The following HGSNAT variants were observed in gnomAD, a reference collection of about 807,000 sequenced individuals.
The protein encoded by HGSNAT is transmembrane protein 76.
Under a neutral mutation model 85.2 loss-of-function variants are expected in HGSNAT, and 59 were observed. That is an observed-to-expected ratio of 0.69 (90% CI 0.56 to 0.86). HGSNAT has a LOEUF of 0.86. HGSNAT is among the 40% of genes least tolerant of loss of function. HGSNAT has a pLI of 0.00. For missense variants in HGSNAT, 756 were observed against 777.1 expected (o/e 0.97, Z 0.32); for synonymous variants, 321 against 304.5 (o/e 1.05, Z -0.56).
At chr8:43,166,103 C>A (rs573970342) in intron 5 of HGSNAT, among the ~76,000 whole-genome samples, 2 of 152,280 alleles carry the variant, frequency 1.3e-5, no homozygotes, top group Admixed American at 1.3e-4. Context: ...AGTGAGGAAT[C>A]TGCAGAAGAA....
chr8:43,165,030 G>A (rs185623966), intron 5 of HGSNAT, among the ~76,000 whole-genome samples: 80 of 142,558 alleles, frequency 5.6e-4, no homozygotes, highest in African/African-American at 2.0e-3. Context: ...CTAGAGGCAT[G>A]TGCCACCATG....
At chr8:43,165,185 C>T (rs182142139) in intron 5 of HGSNAT, among the ~76,000 whole-genome samples, 4 of 149,920 alleles carry the variant, frequency 2.7e-5, no homozygotes, top group East Asian at 2.0e-4. Flanking sequence ...TTTTGGTAAT[C>T]GTTATAATAT....
In HGSNAT at chr8:43,146,934, C is replaced by A; in HGVS notation, c.119-14C>A. 1.4e-6 allele frequency: 2 copies of A among 1,422,488 alleles called. No individual in the cohort carries two copies. Among genetic ancestry groups the A allele is most frequent in the Non-Finnish European group, 1.9e-6 (2 of 1,045,192 alleles). The allele number at this position is 1,422,488 out of a possible 1,614,324, so 88.1% of individuals were successfully genotyped here. A position where few individuals can be genotyped will look rare whatever the true frequency, so the allele number is the denominator to read the frequency against. On this transcript the variant is annotated splice_polypyrimidine_tract_variant and intron_variant, in intron 1 of 17. Transcript: ENST00000379644. ...CTTTTTTTTTTTTTTTTAACTTTTC[C>A]TAATTTCTACCAGACTTAGACAAAA...
At chr8:43,142,265 G>A (rs1802575688) in intron 1 of HGSNAT, among the ~76,000 whole-genome samples, 1 of 152,040 alleles carries the variant, frequency 6.6e-6, no homozygotes, top group South Asian at 2.1e-4. Context: ...GTAGACCAGA[G>A]GAGAGAGAAG....
At chr8:43,176,724 A>G (rs1803825022) in intron 9 of HGSNAT, among the ~76,000 whole-genome samples, 1 of 152,020 alleles carries the variant, frequency 6.6e-6, no homozygotes, top group Non-Finnish European at 1.5e-5. Flanking sequence ...AATTTCTTTC[A>G]TCAGTGGTTT....
rs543327650 is a variant in HGSNAT at position 43,183,306 on chromosome 8, A to G, written c.1128+1046A>G. Reference sequence around the variant, plus strand: ...CTCAGCCTCCTGAGTAGCTGGGACTATAGGCATGCACTACCATGCCCAGTT... The same window carrying G: ...CTCAGCCTCCTGAGTAGCTGGGACTGTAGGCATGCACTACCATGCCCAGTT... On this transcript the variant is annotated intron_variant, in intron 11 of 17. Coordinates refer to ENST00000379644, the MANE Select transcript of HGSNAT (RefSeq NM_152419.3). 4.1e-4 allele frequency among the ~76,000 whole-genome samples: 63 copies of G among 152,170 alleles called. 1 individual carries two copies. The highest frequency in any genetic ancestry group is 3.4e-3 in the Middle Eastern group (1 of 294).
intron 10 of HGSNAT, among the ~76,000 whole-genome samples, chr8:43,178,589 GCTTT>G (rs1484016603): frequency 1.4e-5 from 2 of 140,680 alleles, no homozygotes; most frequent in Non-Finnish European, 3.1e-5. Context: ...GATTTCATCA[GCTTT>G]CTTTTTTTTT....
At chr8:43,172,524 C>T in intron 8 of HGSNAT, 138 bp downstream of exon 8, 2 of 644,174 alleles carry the variant, frequency 3.1e-6, no homozygotes, top group Non-Finnish European at 5.5e-6. Flanking sequence ...AGCTCCTGCT[C>T]CCTCCTAGGG....
intron 1 of HGSNAT, among the ~76,000 whole-genome samples, chr8:43,146,623 C>T (rs780451694): frequency 1.2e-4 from 18 of 152,162 alleles, no homozygotes; most frequent in Admixed American, 2.6e-4. Flanking sequence ...CATCTTAGCA[C>T]TCGATGAATA....
intron 9 of HGSNAT, among the ~76,000 whole-genome samples, chr8:43,176,242 G>T (rs552336606): frequency 1.3e-5 from 2 of 152,234 alleles, no homozygotes; most frequent in African/African-American, 4.8e-5. Context: ...AGAGATAGGG[G>T]TCTAGGTTCA....
chr8:43,184,774 A>C (rs1177584501), intron 11 of HGSNAT, among the ~76,000 whole-genome samples: 1 of 152,222 alleles, frequency 6.6e-6, no homozygotes, highest in Non-Finnish European at 1.5e-5. Context: ...TTTTAGGTCT[A>C]ACATTTAAGT....
At chr8:43,192,126 C>T (rs1586751666) in intron 12 of HGSNAT, among the ~76,000 whole-genome samples, 178 bp from the exon 13 acceptor site, 1 of 152,250 alleles carries the variant, frequency 6.6e-6, no homozygotes, top group East Asian at 1.9e-4. Context: ...CGGGGTTTCA[C>T]CATGTTGGCC....
At chr8:43,173,320 T>C (rs866068606) in intron 8 of HGSNAT, among the ~76,000 whole-genome samples, 3 of 151,844 alleles carry the variant, frequency 2.0e-5, no homozygotes, top group African/African-American at 2.4e-5. Flanking sequence ...TTTTCTTTTT[T>C]TTTTTTGAGA....
chr8:43,156,367 G>A (rs1803095166), intron 2 of HGSNAT, among the ~76,000 whole-genome samples: 1 of 152,082 alleles, frequency 6.6e-6, no homozygotes, highest in African/African-American at 2.4e-5. Flanking sequence ...GAGAAGTGGT[G>A]TCATCTCGGC....
chr8:43,153,359 GT>G lies in HGSNAT; in HGVS notation c.235-5206del, dbSNP rs35612509. ...AAAAGGCAGAATACATTTTTAAAAA[GT>G]TTTTTTTTTAATTGACATAATAATG... is the stretch of plus-strand genomic sequence containing the variant. On this transcript the variant is annotated intron_variant, in intron 2 of 17. Coordinates refer to ENST00000379644, the MANE Select transcript of HGSNAT (RefSeq NM_152419.3). Among the ~76,000 whole-genome samples, 314 of 149,630 alleles carry G rather than the reference GT, an allele frequency of 2.1e-3. 3 individuals carry two copies. The highest frequency in any genetic ancestry group is 6.7e-3 in the African/African-American group (273 of 40,824).
chr8:43,146,885 G>C (rs1194310216), intron 1 of HGSNAT, 63 bp from the exon 2 acceptor site: 1 of 901,788 alleles, frequency 1.1e-6, no homozygotes, highest in Non-Finnish European at 1.7e-6. Context: ...AATGTACTTT[G>C]TCTCTAACAC....
At chr8:43,156,862 A>G (rs1369742938) in intron 2 of HGSNAT, among the ~76,000 whole-genome samples, 1 of 151,742 alleles carries the variant, frequency 6.6e-6, no homozygotes, top group Non-Finnish European at 1.5e-5. Context: ...TTCCATTTTC[A>G]TAGAATACCT....
At chr8:43,187,027 T>C (rs978516787) in intron 11 of HGSNAT, among the ~76,000 whole-genome samples, 8 of 152,208 alleles carry the variant, frequency 5.3e-5, no homozygotes, top group Non-Finnish European at 1.2e-4. Context: ...TAATTTCTGT[T>C]CTTTTACATT....
chr8:43,184,040 G>A (rs1390380315), intron 11 of HGSNAT, among the ~76,000 whole-genome samples: 1 of 152,176 alleles, frequency 6.6e-6, no homozygotes, highest in African/African-American at 2.4e-5. Context: ...TATCATTGTT[G>A]GGCATTTGGG....
Sources: gnomAD v4.1 joint callset for allele counts (sites outside exome capture counted in the v4.1 genomes callset) on GRCh38, gnomAD v4.1.1 for gene constraint, MANE v1.5 for transcripts, NCBI Gene and HGNC (gene_info 2026-07-23, HGNC 2026-07-21) for gene names.